Variants in ANO3 observed in about 807,000 individuals in gnomAD.
ANO3 encodes anoctamin-3.
Under a neutral mutation model 144.8 loss-of-function variants are expected in ANO3, and 99 were observed. The ratio of observed to expected loss-of-function variants is 0.68; its 90% CI spans 0.58 to 0.81. The LOEUF is 0.81. Ranked by LOEUF, ANO3 falls within the 30% of genes least tolerant of loss-of-function variation. The pLI, the probability that ANO3 is intolerant of heterozygous loss-of-function variation, is 0.00. For synonymous variants in ANO3, 414 were observed against 392.6 expected (o/e 1.05, Z -0.64); for missense variants, 905 against 1,202.2 (o/e 0.75, Z 3.66).
intron 5 of ANO3, 132 bp from the exon 6 acceptor site, chr11:26,516,695 A>G (rs1307906395): frequency 2.0e-6 from 1 of 493,590 alleles, no homozygotes; most frequent in Non-Finnish European, 3.6e-6. Context: ...ATCCATATAA[A>G]TTTCTTTTAA....
intron 1 of ANO3, among the ~76,000 whole-genome samples, chr11:26,403,530 T>C (rs1857202518): frequency 6.6e-6 from 1 of 151,922 alleles, no homozygotes; most frequent in African/African-American, 2.4e-5. Flanking sequence ...TCACCTCTGA[T>C]TTCCTCTAGC....
At chr11:26,294,832 A>T (rs1163890493) in intron 1 of ANO3, among the ~76,000 whole-genome samples, 1 of 152,190 alleles carries the variant, frequency 6.6e-6, no homozygotes, top group Non-Finnish European at 1.5e-5. Flanking sequence ...ATGAATGTAG[A>T]TGTCACCAAG....
intron 1 of ANO3, among the ~76,000 whole-genome samples, chr11:26,232,952 T>C (rs1168474253): frequency 6.6e-6 from 1 of 152,142 alleles, no homozygotes; most frequent in Non-Finnish European, 1.5e-5. Context: ...GCACAGTGGC[T>C]CAAGCCTGTA....
At chr11:26,392,908 G>T (rs1856918717) in intron 1 of ANO3, among the ~76,000 whole-genome samples, 1 of 152,004 alleles carries the variant, frequency 6.6e-6, no homozygotes, top group East Asian at 1.9e-4. Flanking sequence ...TAGGAATAAT[G>T]GTACTTGGGT....
At chr11:26,204,133 T>A (rs1365257956) in intron 1 of ANO3, among the ~76,000 whole-genome samples, 1 of 152,142 alleles carries the variant, frequency 6.6e-6, no homozygotes, top group East Asian at 1.9e-4. Flanking sequence ...TCAAAACCTC[T>A]ACACCCCCTC....
chr11:26,306,328 C>A (rs1854383426), upstream of ANO3, among the ~76,000 whole-genome samples: 1 of 151,454 alleles, frequency 6.6e-6, no homozygotes, highest in African/African-American at 2.4e-5. Flanking sequence ...ATTCAGCCTT[C>A]ACCTTTGCAT....
At chr11:26,565,846 C>A in intron 14 of ANO3, 1 of 1,612,286 alleles carries the variant, frequency 6.2e-7, no homozygotes, top group Non-Finnish European at 8.5e-7. Context: ...AGAATTTTGG[C>A]TAAGGCCAAC....
At position 26,660,425 on chromosome 11, in the gene ANO3, T is replaced by A; in HGVS notation, c.2927T>A (p.Val976Asp). Residue 976 changes from valine to aspartate, a missense_variant, in exon 27 of 27, where the codon GTT becomes GAT. Physicochemically the swap from Val to Asp is radical, Grantham distance 152. Coordinates refer to ENST00000256737, the MANE Select transcript of ANO3 (RefSeq NM_031418.4). ...QQQRRKSGQPVHHEWP is the reference protein window; with the variant it reads ...QQQRRKSGQPDHHEWP ...CAACGGAGAAAAAGTGGTCAGCCTG[T>A]TCACCATGAATGGCCTTAGTTGACA... The A allele has an allele frequency of 6.2e-7, 1 of 1,612,818 alleles. No individual in the cohort carries two copies. Among genetic ancestry groups the A allele is most frequent in the South Asian group, 1.1e-5 (1 of 90,772 alleles).
At chr11:26,364,014 A>G (rs979035438) in intron 1 of ANO3, among the ~76,000 whole-genome samples, 3 of 152,182 alleles carry the variant, frequency 2.0e-5, no homozygotes, top group Admixed American at 6.5e-5. Context: ...GGGTGAGGGT[A>G]CATTAATTTG....
chr11:26,564,801 T>C (rs1487985332), intron 14 of ANO3, among the ~76,000 whole-genome samples: 1 of 124,168 alleles, frequency 8.1e-6, no homozygotes, highest in Non-Finnish European at 1.7e-5. Flanking sequence ...AGTTGTATAG[T>C]ATTCACATGA....
At chr11:26,338,605 T>C (rs1855258775) in intron 1 of ANO3, among the ~76,000 whole-genome samples, 1 of 152,196 alleles carries the variant, frequency 6.6e-6, no homozygotes, top group Non-Finnish European at 1.5e-5. Flanking sequence ...TTGCTGCTGC[T>C]CAGTCTTTGG....
chr11:26,599,934 T>C (rs1031416328), intron 17 of ANO3, among the ~76,000 whole-genome samples: 1 of 152,116 alleles, frequency 6.6e-6, no homozygotes, highest in African/African-American at 2.4e-5. Flanking sequence ...TTATCTTCCC[T>C]GCATTTTGGG....
chr11:26,540,080 T>A (rs1043411905), intron 10 of ANO3, among the ~76,000 whole-genome samples: 4 of 152,152 alleles, frequency 2.6e-5, no homozygotes, highest in African/African-American at 9.7e-5. Context: ...GGGAACACTC[T>A]GCTCTATAAG....
intron 1 of ANO3, among the ~76,000 whole-genome samples, chr11:26,295,776 C>T (rs10834955): frequency 0.25 from 38,002 of 151,952 alleles, 6,797 homozygotes; most frequent in African/African-American, 0.51. Context: ...CAGATGCTAT[C>T]GTTTGGAAAT....
chr11:26,642,315 T>A lies in ANO3; in HGVS notation c.2275+286T>A, dbSNP rs4316465. On this transcript the variant is annotated intron_variant, in intron 22 of 26. Coordinates refer to ENST00000256737, the MANE Select transcript of ANO3 (RefSeq NM_031418.4). ...AGCAAACAAAATAATGCTGAACCAGTTTCTTTTCCTTTTTCTTTCTTTCTT... is the reference window on the plus strand; with the variant it reads ...AGCAAACAAAATAATGCTGAACCAGATTCTTTTCCTTTTTCTTTCTTTCTT... Among the ~76,000 whole-genome samples, 56,093 of 149,210 alleles carry A rather than the reference T, an allele frequency of 0.38. 11,488 individuals are homozygous for A. The highest frequency in any genetic ancestry group is 0.49 in the South Asian group (2,307 of 4,742).
intron 3 of ANO3, among the ~76,000 whole-genome samples, chr11:26,455,222 A>T (rs1425612585): frequency 1.2e-4 from 18 of 150,460 alleles, no homozygotes; most frequent in Non-Finnish European, 2.4e-4. Flanking sequence ...AGTTCTGGCC[A>T]GGGCAATTAG....
At chr11:26,530,512 C>A (rs1849341254) in intron 7 of ANO3, among the ~76,000 whole-genome samples, 1 of 143,126 alleles carries the variant, frequency 7.0e-6, no homozygotes, top group African/African-American at 2.6e-5. Context: ...ATCTATCTAT[C>A]TACATGTATA....
intron 17 of ANO3, among the ~76,000 whole-genome samples, chr11:26,600,886 T>A (rs1008656474): frequency 5.9e-5 from 9 of 152,086 alleles, no homozygotes; most frequent in African/African-American, 1.9e-4. Context: ...AGAAAGCACC[T>A]TTTTGTTTCA....
At chr11:26,412,536 G>A (rs1857460250) in intron 1 of ANO3, among the ~76,000 whole-genome samples, 1 of 152,020 alleles carries the variant, frequency 6.6e-6, no homozygotes, top group South Asian at 2.1e-4. Context: ...TATATTTTGA[G>A]GAGCATGGCT....
Sources: gnomAD v4.1 joint callset for allele counts (sites outside exome capture counted in the v4.1 genomes callset) on GRCh38, gnomAD v4.1.1 for gene constraint, MANE v1.5 for transcripts, NCBI Gene and HGNC (gene_info 2026-07-23, HGNC 2026-07-21) for gene names.